Variants in RALGPS2 observed in about 807,000 individuals in gnomAD.
RALGPS2 encodes the protein Ral GEF with PH domain and SH3 binding motif 2, also known as ras-specific guanine nucleotide-releasing factor RalGPS2.
In RALGPS2, 43 loss-of-function variants were observed where a neutral mutation model predicts 86.8. The ratio of observed to expected loss-of-function variants is 0.50; its 90% CI spans 0.39 to 0.64. RALGPS2 has a LOEUF of 0.64. Ranked by LOEUF, RALGPS2 falls within the 30% of genes least tolerant of loss-of-function variation. RALGPS2 has a pLI of 0.00. For missense variants in RALGPS2, 536 were observed against 694.6 expected, an observed-to-expected ratio of 0.77 and a Z score of 2.57; for synonymous variants, 243 against 231.3, an observed-to-expected ratio of 1.05 and a Z score of -0.46.
intron 1 of RALGPS2, among the ~76,000 whole-genome samples, chr1:178,753,993 G>A (rs1309066377): frequency 2.0e-5 from 3 of 151,816 alleles, no homozygotes; most frequent in South Asian, 2.1e-4. Flanking sequence ...CACCACGCCC[G>A]GCTAATTTTT....
At chr1:178,745,890 T>G (rs1216094742) in intron 1 of RALGPS2, among the ~76,000 whole-genome samples, 3 of 149,360 alleles carry the variant, frequency 2.0e-5, no homozygotes, top group African/African-American at 7.4e-5. Context: ...GGTGTGATCT[T>G]GGTTCACTGC....
intron 1 of RALGPS2, among the ~76,000 whole-genome samples, chr1:178,746,165 G>A (rs980997520): frequency 3.3e-5 from 5 of 152,004 alleles, no homozygotes; most frequent in African/African-American, 1.2e-4. Flanking sequence ...GCTGCAGGAT[G>A]GCAGAAAATA....
intron 4 of RALGPS2, among the ~76,000 whole-genome samples, chr1:178,801,743 T>C (rs935467125): frequency 2.7e-5 from 4 of 149,062 alleles, no homozygotes; most frequent in East Asian, 2.0e-4. Flanking sequence ...TTTCGAGATA[T>C]GGATCTTGGA....
At chr1:178,792,881 C>T (rs1455149544) in intron 4 of RALGPS2, among the ~76,000 whole-genome samples, 1 of 152,152 alleles carries the variant, frequency 6.6e-6, no homozygotes, top group African/African-American at 2.4e-5. Context: ...TATATTCAAC[C>T]ACTATTAATA....
chr1:178,866,584 G>A (rs1658427061), intron 8 of RALGPS2, among the ~76,000 whole-genome samples: 1 of 152,078 alleles, frequency 6.6e-6, no homozygotes, highest in Non-Finnish European at 1.5e-5. Flanking sequence ...TTAGTAAAAT[G>A]TTAGTAATTT....
At chr1:178,742,597 A>G (rs1651097694) in intron 1 of RALGPS2, among the ~76,000 whole-genome samples, 1 of 152,246 alleles carries the variant, frequency 6.6e-6, no homozygotes, top group African/African-American at 2.4e-5. Flanking sequence ...AATACTGTCA[A>G]CCAATTTTAC....
chr1:178,768,432 A>G (rs182721512), intron 1 of RALGPS2, among the ~76,000 whole-genome samples: 1 of 152,220 alleles, frequency 6.6e-6, no homozygotes, highest in African/African-American at 2.4e-5. Flanking sequence ...AATGCTGGGT[A>G]GGGTCTTTTG....
chr1:178,817,389 A>G (rs1454581133), intron 6 of RALGPS2, among the ~76,000 whole-genome samples: 1 of 149,312 alleles, frequency 6.7e-6, no homozygotes, highest in African/African-American at 2.5e-5. Context: ...TAATTGTGCT[A>G]ACTCCATTCT....
chr1:178,727,479 A>ATGCT (rs1298747599), intron 1 of RALGPS2, among the ~76,000 whole-genome samples: 1 of 152,254 alleles, frequency 6.6e-6, no homozygotes, highest in African/African-American at 2.4e-5. Context: ...TTTGAAGATA[A>ATGCT]TGCTTGCATT....
intron 4 of RALGPS2, among the ~76,000 whole-genome samples, chr1:178,799,019 G>T (rs1006289196): frequency 2.0e-5 from 3 of 152,150 alleles, no homozygotes; most frequent in African/African-American, 7.2e-5. Flanking sequence ...AGGAGAATGG[G>T]TATCTGCTTG....
At chr1:178,746,378 A>C (rs1651332223) in intron 1 of RALGPS2, among the ~76,000 whole-genome samples, 1 of 152,230 alleles carries the variant, frequency 6.6e-6, no homozygotes. Flanking sequence ...GCCAAAAAGT[A>C]TAAAAATACA....
chr1:178,899,215 A>G (rs1199191037), intron 17 of RALGPS2, among the ~76,000 whole-genome samples: 1 of 151,902 alleles, frequency 6.6e-6, no homozygotes, highest in Non-Finnish European at 1.5e-5. Context: ...TTGTGCATAA[A>G]GTTACTAGTA....
chr1:178,912,000 G>T (rs77659263), intron 19 of RALGPS2, among the ~76,000 whole-genome samples: 13 of 152,060 alleles, frequency 8.5e-5, no homozygotes, highest in African/African-American at 3.1e-4. Flanking sequence ...ATAGTCTGTT[G>T]TATCTAATAT....
At chr1:178,885,744 A>G (rs964735587) in intron 12 of RALGPS2, 2 of 345,940 alleles carry the variant, frequency 5.8e-6, no homozygotes, top group Non-Finnish European at 1.0e-5. Context: ...TTTTAAACGG[A>G]CACGAGGCTT....
intron 7 of RALGPS2, among the ~76,000 whole-genome samples, chr1:178,827,911 A>T (rs1470468752): frequency 6.6e-6 from 1 of 152,208 alleles, no homozygotes; most frequent in African/African-American, 2.4e-5. Flanking sequence ...GGATGTCCGC[A>T]TGCAAAAGAA....
chr1:178,889,962 C>T (rs568846441), intron 14 of RALGPS2, among the ~76,000 whole-genome samples: 4 of 151,820 alleles, frequency 2.6e-5, no homozygotes, highest in Middle Eastern at 3.4e-3. Context: ...AAATAATAAC[C>T]GATCATCGAC....
chr1:178,847,167 C>G (rs568953647), intron 8 of RALGPS2, among the ~76,000 whole-genome samples: 5 of 152,250 alleles, frequency 3.3e-5, no homozygotes, highest in Admixed American at 2.6e-4. Context: ...AAAAAGTGGC[C>G]GGGCATGGTG....
At chr1:178,738,455 C>T (rs917723978) in intron 1 of RALGPS2, among the ~76,000 whole-genome samples, 8 of 151,616 alleles carry the variant, frequency 5.3e-5, no homozygotes, top group African/African-American at 9.7e-5. Context: ...GCAGTCCACC[C>T]GCCTTGGCCT....
chr1:178,809,048 CTA>C (rs1216277262), intron 5 of RALGPS2, among the ~76,000 whole-genome samples: 1 of 151,990 alleles, frequency 6.6e-6, no homozygotes, highest in Non-Finnish European at 1.5e-5. Context: ...TGAGGTCTCA[CTA>C]TGTTGCCCAA....
Sources: allele counts gnomAD v4.1 joint callset (sites outside exome capture counted in the v4.1 genomes callset), GRCh38; gene constraint gnomAD v4.1.1; transcripts MANE v1.5; gene names NCBI Gene and HGNC (gene_info 2026-07-23, HGNC 2026-07-21).